DENND3: variants seen among roughly 807,000 people sequenced by gnomAD.
The protein encoded by DENND3 is DENN domain containing 3.
A neutral mutation model predicts 135.1 loss-of-function variants in DENND3; 88 were observed. The observed-to-expected ratio is 0.65, with a 90% CI of 0.55 to 0.78. The LOEUF (loss-of-function observed/expected upper bound fraction) is 0.78, where lower values mean the gene tolerates loss of function less well. DENND3 is among the 30% of genes least tolerant of loss of function. DENND3 has a pLI of 0.00. For synonymous variants in DENND3, 693 were observed against 712.3 expected (o/e 0.97, Z 0.43); for missense variants, 1,392 against 1,688.4 (o/e 0.82, Z 3.08).
chr8:141,179,708 G>A (rs1479744328), intron 16 of DENND3, among the ~76,000 whole-genome samples: 4 of 152,264 alleles, frequency 2.6e-5, no homozygotes, highest in African/African-American at 9.6e-5. Context: ...AGCCTCGTGC[G>A]GAGTCCTGGT....
intron 5 of DENND3, among the ~76,000 whole-genome samples, chr8:141,147,083 G>T (rs1818239740): frequency 6.6e-6 from 1 of 152,308 alleles, no homozygotes; most frequent in East Asian, 1.9e-4. Flanking sequence ...CCGTGAGGAA[G>T]GTGACTGAGG....
At chr8:141,183,789 G>A (rs1249382385) in intron 17 of DENND3, among the ~76,000 whole-genome samples, 1 of 148,820 alleles carries the variant, frequency 6.7e-6, no homozygotes, top group Non-Finnish European at 1.5e-5. Flanking sequence ...GCTTGAAAGT[G>A]CAACAGGCTC....
At chr8:141,143,305 G>A (rs1387261436) in intron 4 of DENND3, among the ~76,000 whole-genome samples, 1 of 152,136 alleles carries the variant, frequency 6.6e-6, no homozygotes, top group African/African-American at 2.4e-5. Context: ...AAGTTCTAGG[G>A]TACATGTGCA....
intron 20 of DENND3, 111 bp downstream of exon 20, chr8:141,190,528 T>C: frequency 8.6e-6 from 12 of 1,397,338 alleles, no homozygotes; most frequent in Non-Finnish European, 8.4e-6. Context: ...TTTCCAGTCT[T>C]TATTTTAAAC....
Position 141,192,378 on chromosome 8 carries a change from C to T in DENND3, c.3427C>T (p.Gln1143Ter). The change falls in exon 21 of 23, where the codon CAA becomes TAA. Residue 1143 changes from glutamine (Q) to a stop codon, truncating the protein, a stop_gained. Transcript: ENST00000519811. LOFTEE classifies it high-confidence loss of function. ...CATGAAAATGAATGGATCCCTCCAT[C>T]AAGAATTGAAGATTGAGGAGAACTT... ...MVMKMNGSLHQELKIEENFKD... is the reference protein window; with the variant it reads ...MVMKMNGSLH 1 of 1,614,238 alleles carries T rather than the reference C, an allele frequency of 6.2e-7. No individual in the cohort carries two copies. The highest frequency in any genetic ancestry group is 8.5e-7 in the Non-Finnish European group (1 of 1,180,036).
rs901587906 is a variant in DENND3 at position 141,180,848 on chromosome 8, A to C, written c.2938A>C (p.Thr980Pro). The C allele has an allele frequency of 1.2e-6, 2 of 1,611,012 alleles. No individual in the cohort carries two copies. Among genetic ancestry groups the C allele is most frequent in the East Asian group, 2.2e-5 (1 of 44,800 alleles). ...ACAAGCGGTGGACGTGCTGCTCTACACTCCAGGTAAGGCCCCTCTGCCCGC... is the reference window on the plus strand; with the variant it reads ...ACAAGCGGTGGACGTGCTGCTCTACCCTCCAGGTAAGGCCCCTCTGCCCGC... ...FPQAVDVLLY[T>P]PGHLDPAEKV... Residue 980 changes from threonine (T) to proline (P), a missense_variant, in exon 17 of 23, where the codon ACT becomes CCT. By Grantham distance (38) the Thr-to-Pro change is conservative. Coordinates refer to ENST00000519811, the MANE Select transcript of DENND3 (RefSeq NM_001352890.3).
In DENND3 at chr8:141,141,080, C is replaced by T. The variant is rs558343959; in HGVS notation, c.502-123C>T. On this transcript the variant is annotated intron_variant, in intron 3 of 22. Transcript: ENST00000519811. The surrounding 1 kb of genome is among the most constrained non-coding windows in gnomAD (Gnocchi z 5.3). ...CGGAGGGCCGGTGCTGGCTTGGACG[C>T]GTTGCAGGGGTGGGGATGGTGGACT... 13 of 1,465,382 alleles carry T rather than the reference C, an allele frequency of 8.9e-6. No individual in the cohort carries two copies. In the East Asian group the frequency reaches 1.4e-4, roughly 15 times the overall value. 90.8% of individuals were successfully genotyped at this position (1,465,382 alleles called of 1,614,324 possible).
At chr8:141,165,653 G>A (rs1412765425) in intron 11 of DENND3, among the ~76,000 whole-genome samples, 2 of 151,990 alleles carry the variant, frequency 1.3e-5, no homozygotes, top group Non-Finnish European at 2.9e-5. Flanking sequence ...TTGTAAAGAT[G>A]GGGTTTCGCC....
chr8:141,192,588 C>A lies in DENND3; in HGVS notation c.3561C>A (p.Asp1187Glu). 6.3e-7 allele frequency: 1 copy of A among 1,582,166 alleles called. No individual in the cohort carries two copies. Among genetic ancestry groups the A allele is most frequent in the Admixed American group, 1.7e-5 (1 of 57,386 alleles). The change falls in exon 22 of 23, where the codon GAC (aspartate) becomes GAA (glutamate). Residue 1187 changes from aspartate to glutamate, a missense_variant. Asp to Glu is a conservative substitution (Grantham distance 45). Transcript: ENST00000519811. ...RSEVYIWSLK[D>E]LAQPPQRVPL... ...AGGTTTACATCTGGAGCCTGAAGGA[C>A]CTGGCCCAGCCCCCGCAGAGGGTGC...
In DENND3 at chr8:141,138,606, G is replaced by C. The variant is rs369390715; in HGVS notation, c.501+469G>C. Among the ~76,000 whole-genome samples, 96 of 152,070 alleles carry C rather than the reference G, an allele frequency of 6.3e-4. 1 individual carries two copies. In the South Asian group the frequency reaches 0.019, roughly 31 times the overall value. ...TCACCATGTTGGCCGGGCTGGTTTC[G>C]AACTCCTGACCTCAGGTGATCCACC... On this transcript the variant is annotated intron_variant, in intron 3 of 22. Transcript: ENST00000519811. The surrounding 1 kb of genome is among the most constrained non-coding windows in gnomAD (Gnocchi z 4.8).
Position 141,141,084 on chromosome 8 carries a change from G to C in DENND3, c.502-119G>C. 2.0e-6 allele frequency: 3 copies of C among 1,504,920 alleles called. No individual in the cohort carries two copies. The highest frequency in any genetic ancestry group is 2.7e-6 in the Non-Finnish European group (3 of 1,099,538). 93.2% of individuals were successfully genotyped at this position (1,504,920 alleles called of 1,614,324 possible). A position where few individuals can be genotyped will look rare whatever the true frequency, so the allele number is the denominator to read the frequency against. On this transcript the variant is annotated intron_variant, in intron 3 of 22. Coordinates refer to ENST00000519811, the MANE Select transcript of DENND3 (RefSeq NM_001352890.3). The surrounding 1 kb of genome is among the most constrained non-coding windows in gnomAD (Gnocchi z 5.3). ...GGGCCGGTGCTGGCTTGGACGCGTT[G>C]CAGGGGTGGGGATGGTGGACTCTCA... is the stretch of plus-strand genomic sequence containing the variant.
chr8:141,176,827 G>A, intron 15 of DENND3, 66 bp downstream of exon 15: 1 of 1,572,938 alleles, frequency 6.4e-7, no homozygotes, highest in East Asian at 2.3e-5. Context: ...CCACCTGTGG[G>A]TCCTGTGGCA....
Position 141,193,917 on chromosome 8 carries a change from C to G in DENND3, c.3637-116C>G, listed in dbSNP as rs1427340951. On this transcript the variant is annotated intron_variant, in intron 22 of 22. Transcript: ENST00000519811. ...GACCCTCAGGCGGCAGAGGCCCTGT[C>G]CAGGAAGGACATAGATTTGGAGGCA... 5.8e-6 allele frequency: 7 copies of G among 1,200,348 alleles called. No homozygotes were observed. The African/African-American group carries it at 1.1e-4, about 18-fold the overall frequency. The allele number at this position is 1,200,348 out of a possible 1,614,324, so 74.4% of individuals were successfully genotyped here. A position where few individuals can be genotyped will look rare whatever the true frequency, so the allele number is the denominator to read the frequency against.
chr8:141,150,792 G>T, intron 5 of DENND3, 42 bp from the exon 6 acceptor site: 1 of 1,546,154 alleles, frequency 6.5e-7, no homozygotes, highest in South Asian at 1.2e-5. Context: ...GCCTCTGCCC[G>T]GAGCAGCTCT....
Position 141,167,997 on chromosome 8 carries a change from G to C in DENND3, c.1754-7G>C. The C allele has an allele frequency of 3.7e-6, 6 of 1,603,336 alleles. No homozygotes were observed. The highest frequency in any genetic ancestry group is 5.1e-6 in the Non-Finnish European group (6 of 1,173,004). ...TAATGGTCTCCTTTTCCCCCTGAAT[G>C]TTTTAGTTCTGAATGTCACGCCGAA... On this transcript the variant is annotated splice_region_variant and splice_polypyrimidine_tract_variant and intron_variant, in intron 12 of 22. Transcript: ENST00000519811. The surrounding 1 kb of genome is among the most constrained non-coding windows in gnomAD (Gnocchi z 4.1).
chr8:141,174,957 G>A lies in DENND3; in HGVS notation c.2276-243G>A, dbSNP rs935682497. 2.0e-5 allele frequency among the ~76,000 whole-genome samples: 3 copies of A among 152,168 alleles called. No homozygotes were observed. The highest frequency in any genetic ancestry group is 4.4e-5 in the Non-Finnish European group (3 of 68,020). On this transcript the variant is annotated intron_variant, in intron 13 of 22. Coordinates refer to ENST00000519811, the MANE Select transcript of DENND3 (RefSeq NM_001352890.3). This position sits in a 1 kb window ranked among gnomAD's most constrained non-coding sequence, Gnocchi z 4.6. ...GTCCCGTGGCCATCCCAGAGCGGGC[G>A]GCTGGAAAGGGCTGCGGGCTCAGCC... is the stretch of plus-strand genomic sequence containing the variant.
rs536411022 is a variant in DENND3, at chr8:141,180,545, C to T, written c.2837-202C>T. On this transcript the variant is annotated intron_variant, in intron 16 of 22. Transcript: ENST00000519811. ...GGATGCGCCTGGCCACTCACTCGCA[C>T]ACCAGGTGACAACCAGGAAAGGAGG... 2.0e-5 allele frequency among the ~76,000 whole-genome samples: 3 copies of T among 152,268 alleles called. No individual in the cohort carries two copies. In the South Asian group the frequency reaches 6.2e-4, roughly 32 times the overall value.
chr8:141,190,387 A>C lies in DENND3; in HGVS notation c.3349A>C (p.Ile1117Leu). ...GCTGCCGCGAGGTGGCCTGACGTCC[A>C]TCAGACTGCACGGCGGCCGCCTGTG... Reference protein sequence around the residue: ...FQLPRGGLTSIRLHGGRLWCC... With the variant: ...FQLPRGGLTSLRLHGGRLWCC... The change falls in exon 20 of 23, where the codon ATC (isoleucine) becomes CTC (leucine). Residue 1117 changes from isoleucine to leucine, a missense_variant. Transcript: ENST00000519811. 1 of 1,612,378 alleles carries C rather than the reference A, an allele frequency of 6.2e-7. No homozygotes were observed. Among genetic ancestry groups the C allele is most frequent in the Non-Finnish European group, 8.5e-7 (1 of 1,179,714 alleles).
chr8:141,165,951 T>C (rs930719029), intron 11 of DENND3, among the ~76,000 whole-genome samples: 1 of 152,102 alleles, frequency 6.6e-6, no homozygotes, highest in African/African-American at 2.4e-5. Context: ...CCCTCCAACA[T>C]GTGTCTGCTG....
Sources: gnomAD v4.1 joint callset for allele counts (sites outside exome capture counted in the v4.1 genomes callset) on GRCh38, gnomAD v4.1.1 for gene constraint, Gnocchi (gnomAD v3.1) non-coding constraint, MANE v1.5 for transcripts, NCBI Gene and HGNC (gene_info 2026-07-23, HGNC 2026-07-21) for gene names.